The following WSB1 variants were observed in gnomAD, a reference collection of about 807,000 sequenced individuals.
WSB1 encodes the protein WD repeat and SOCS box containing 1, also known as WD repeat and SOCS box-containing protein 1.
Under a neutral mutation model 50.2 loss-of-function variants are expected in WSB1, and 23 were observed. The observed-to-expected ratio is 0.46, with a 90% confidence interval of 0.33 to 0.65. The LOEUF is 0.65. Among genes scored for constraint, WSB1 ranks in the 30% least tolerant of loss-of-function variants. The pLI is 0.02. For synonymous variants in WSB1, 179 were observed against 172.0 expected, an observed-to-expected ratio of 1.04 and a Z score of -0.32; for missense variants, 492 against 522.3, an observed-to-expected ratio of 0.94 and a Z score of 0.56.
Position 27,306,867 on chromosome 17 carries a change from C to T in WSB1, c.696C>T (p.Val232=), listed in dbSNP as rs778676703. The T allele has an allele frequency of 4.3e-6, 7 of 1,614,082 alleles. No individual in the cohort carries two copies. Among genetic ancestry groups the T allele is most frequent in the African/African-American group, 1.3e-5 (1 of 75,034 alleles). ...FSPDSSMLCS[V]GASKAVFLWN... ...CTGACTCTTCTATGCTGTGTTCAGT[C>T]GGAGCCAGTAAAGCAGTACGTGTCA... The change falls in exon 5 of 9, where the codon GTC becomes GTT. Residue 232 remains valine, a synonymous_variant. Coordinates refer to ENST00000262394, the MANE Select transcript of WSB1 (RefSeq NM_015626.10).
Position 27,303,437 on chromosome 17 carries a change from G to A in WSB1, c.280G>A (p.Gly94Ser). The change falls in exon 3 of 9, where the codon GGT becomes AGT. Residue 94 changes from glycine to serine, a missense_variant. Coordinates refer to ENST00000262394, the MANE Select transcript of WSB1 (RefSeq NM_015626.10). ...LRLPRQNSDG[G>S]QKNKPREHII... Reference sequence around the variant, plus strand: ...ATTGCCAAGACAAAATAGTGATGGTGGTCAGAAAAATAAGCCTCGTGAACA... The same window carrying A: ...ATTGCCAAGACAAAATAGTGATGGTAGTCAGAAAAATAAGCCTCGTGAACA... 6.2e-7 allele frequency: 1 copy of A among 1,614,026 alleles called. No homozygotes were observed. The highest frequency in any genetic ancestry group is 8.5e-7 in the Non-Finnish European group (1 of 1,179,992).
chr17:27,299,051 C>T (rs1460943141), intron 1 of WSB1, among the ~76,000 whole-genome samples: 4 of 151,930 alleles, frequency 2.6e-5, no homozygotes, highest in Non-Finnish European at 5.9e-5. Context: ...ATTAAGCAGG[C>T]AGGGGTTGCA....
intron 7 of WSB1, among the ~76,000 whole-genome samples, chr17:27,310,429 TAC>T (rs2017632392): frequency 7.4e-6 from 1 of 135,236 alleles, no homozygotes; most frequent in South Asian, 2.6e-4. Flanking sequence ...TAGCCCAGCT[TAC>T]AGAGATTTTT....
Position 27,304,774 on chromosome 17 carries a change from A to G in WSB1, c.479-6A>G. ...GTCTTTTTTTTCCCTTTTCTATCAT[A>G]TTTAGGAAAACTCCTCCTTAACTTG... On this transcript the variant is annotated splice_polypyrimidine_tract_variant and splice_region_variant and intron_variant, in intron 3 of 8. Transcript: ENST00000262394. 6.2e-7 allele frequency: 1 copy of G among 1,610,526 alleles called. No homozygotes were observed. Among genetic ancestry groups the G allele is most frequent in the Non-Finnish European group, 8.5e-7 (1 of 1,178,816 alleles).
rs764890411 is a variant in WSB1, at chr17:27,312,394, G to A, written c.*25G>A. The A allele has an allele frequency of 1.2e-6, 2 of 1,610,378 alleles. No individual in the cohort carries two copies. The highest frequency in any genetic ancestry group is 1.1e-5 in the South Asian group (1 of 90,388). On this transcript the variant is annotated 3_prime_UTR_variant, in exon 9 of 9. Transcript: ENST00000262394. ...GAAGATTCTGCCTTCCCTAGTAGTAGGGACTGACAGAATACACTTAACACA... is the reference window on the plus strand; with the variant it reads ...GAAGATTCTGCCTTCCCTAGTAGTAAGGACTGACAGAATACACTTAACACA...
At position 27,315,530 on chromosome 17, in the gene WSB1, A is replaced by G. The variant is rs1398697721; in HGVS notation, c.*3161A>G. The G allele has an allele frequency of 1.3e-5, 2 of 152,230 alleles. No homozygotes were observed. Among genetic ancestry groups the G allele is most frequent in the Non-Finnish European group, 2.9e-5 (2 of 68,044 alleles). 9.4% of individuals were successfully genotyped at this position (152,230 alleles called of 1,614,324 possible). ...ACCAAAAAAGGTTGGACTGCACTGT[A>G]GCATGCTTATGGGTTGAGGCAGTGG... is the stretch of plus-strand genomic sequence containing the variant. On this transcript the variant is annotated 3_prime_UTR_variant, in exon 9 of 9. Coordinates refer to ENST00000262394, the MANE Select transcript of WSB1 (RefSeq NM_015626.10).
chr17:27,300,164 T>TGGGGGTGGGTGTGTGTGGGGGGC (rs2017167261), intron 1 of WSB1, among the ~76,000 whole-genome samples: 1 of 53,006 alleles, frequency 1.9e-5, no homozygotes, highest in Admixed American at 1.9e-4. Flanking sequence ...AAGTACATTT[T>TGGGGGTGGGTGTGTGTGGGGGGC]GGGGGTGGGT....
rs1002129416 is a variant in WSB1, at chr17:27,308,452, T to C, written c.712-648T>C. 6.1e-6 allele frequency: 6 copies of C among 984,640 alleles called. No individual in the cohort carries two copies. In the African/African-American group the frequency reaches 7.0e-5, roughly 11 times the overall value. 61.0% of individuals were successfully genotyped at this position (984,640 alleles called of 1,614,324 possible). A position where few individuals can be genotyped will look rare whatever the true frequency, so the allele number is the denominator to read the frequency against. ...GGTTAGTTTGGGAAAAATAAGATGG[T>C]TAAATTTTGATTTATTGAAATGTAA... On this transcript the variant is annotated intron_variant, in intron 5 of 8. Coordinates refer to ENST00000262394, the MANE Select transcript of WSB1 (RefSeq NM_015626.10).
intron 1 of WSB1, among the ~76,000 whole-genome samples, chr17:27,295,164 G>A (rs916319796): frequency 2.0e-5 from 3 of 152,212 alleles, no homozygotes; most frequent in Non-Finnish European, 2.9e-5. Context: ...TGGAAAGCAC[G>A]TCGCATTATT....
At position 27,309,195 on chromosome 17, in the gene WSB1, A is replaced by C; in HGVS notation, c.807A>C (p.Ala269=). 6.2e-7 allele frequency: 1 copy of C among 1,613,530 alleles called. No homozygotes were observed. Among genetic ancestry groups the C allele is most frequent in the African/African-American group, 1.3e-5 (1 of 75,034 alleles). Residue 269 remains alanine (A), a synonymous_variant, in exon 6 of 9, where the codon GCA becomes GCC. Transcript: ENST00000262394. ...VVACDFSPDG[A]LLATASYDTR... Reference sequence around the variant, plus strand: ...CTTGTGACTTTTCTCCTGATGGAGCATTACTGGCTACTGCATCTTATGATA... The same window carrying C: ...CTTGTGACTTTTCTCCTGATGGAGCCTTACTGGCTACTGCATCTTATGATA...
chr17:27,307,803 A>G, intron 5 of WSB1: 3 of 1,531,094 alleles, frequency 2.0e-6, no homozygotes, highest in South Asian at 2.4e-5. Flanking sequence ...ACACAGGCGC[A>G]CAATGGTGTT....
intron 5 of WSB1, chr17:27,308,558 G>A (rs1391564116): frequency 2.3e-5 from 23 of 985,672 alleles, no homozygotes; most frequent in African/African-American, 3.5e-5. Context: ...AATTTCATTT[G>A]GCTGTGAATA....
At chr17:27,309,623 G>A (rs928008964) in intron 6 of WSB1, among the ~76,000 whole-genome samples, 22 of 150,056 alleles carry the variant, frequency 1.5e-4, no homozygotes, top group Non-Finnish European at 2.8e-4. Context: ...TTGCTCTGTC[G>A]CCAGGCTGGA....
In WSB1 at chr17:27,306,895, G is replaced by A; in HGVS notation, c.711+13G>A. On this transcript the variant is annotated intron_variant, in intron 5 of 8. Coordinates refer to ENST00000262394, the MANE Select transcript of WSB1 (RefSeq NM_015626.10). Reference sequence around the variant, plus strand: ...AGCCAGTAAAGCAGTACGTGTCAAAGTTCTTGTACATTCATTATGAATTGG... The same window carrying A: ...AGCCAGTAAAGCAGTACGTGTCAAAATTCTTGTACATTCATTATGAATTGG... 1.2e-6 allele frequency: 2 copies of A among 1,611,378 alleles called. No homozygotes were observed. The highest frequency in any genetic ancestry group is 1.7e-6 in the Non-Finnish European group (2 of 1,177,796).
chr17:27,304,803 G>C lies in WSB1; in HGVS notation c.502G>C (p.Asp168His), dbSNP rs2017380314. Residue 168 changes from aspartate (D) to histidine (H), a missense_variant, in exon 4 of 9, where the codon GAT becomes CAT. Coordinates refer to ENST00000262394, the MANE Select transcript of WSB1 (RefSeq NM_015626.10). ...AGGAAAACTCCTCCTTAACTTGGTA[G>C]ATCATACTGAAGTGGTCAGAGATTT... ...YTGKLLLNLV[D>H]HTEVVRDLTF... 4 of 1,613,762 alleles carry C rather than the reference G, an allele frequency of 2.5e-6. No homozygotes were observed. The highest frequency in any genetic ancestry group is 3.4e-6 in the Non-Finnish European group (4 of 1,179,826).
intron 6 of WSB1, 29 bp downstream of exon 6, chr17:27,309,301 A>G (rs370676212): frequency 4.7e-6 from 7 of 1,487,280 alleles, no homozygotes; most frequent in African/African-American, 1.4e-5. Context: ...ATTTTAGTCT[A>G]TAATTCATCT....
intron 1 of WSB1, among the ~76,000 whole-genome samples, chr17:27,300,829 A>G (rs2017197005): frequency 6.6e-6 from 1 of 151,870 alleles, no homozygotes; most frequent in South Asian, 2.1e-4. Flanking sequence ...AGCTGGGATT[A>G]CAGACACACT....
At position 27,315,323 on chromosome 17, in the gene WSB1, G is replaced by A. The variant is rs1233387089; in HGVS notation, c.*2954G>A. ...TTTTAGAATCCCATGGAGTACATGT[G>A]AACATAGGAAAATCACACTCAGCAG... On this transcript the variant is annotated 3_prime_UTR_variant, in exon 9 of 9. Transcript: ENST00000262394. 1 of 152,178 alleles carries A rather than the reference G, an allele frequency of 6.6e-6. No homozygotes were observed. Among genetic ancestry groups the A allele is most frequent in the African/African-American group, 2.4e-5 (1 of 41,446 alleles). 9.4% of individuals were successfully genotyped at this position (152,178 alleles called of 1,614,324 possible). A position where few individuals can be genotyped will look rare whatever the true frequency, so the allele number is the denominator to read the frequency against.
intron 1 of WSB1, among the ~76,000 whole-genome samples, chr17:27,301,223 G>T (rs1410297595): frequency 6.6e-6 from 1 of 152,246 alleles, no homozygotes; most frequent in East Asian, 1.9e-4. Flanking sequence ...TAGACAACCT[G>T]TAAGTCTCTT....
Sources: gnomAD v4.1 joint callset for allele counts (sites outside exome capture counted in the v4.1 genomes callset) on GRCh38, gnomAD v4.1.1 for gene constraint, MANE v1.5 for transcripts, NCBI Gene and HGNC (gene_info 2026-07-23, HGNC 2026-07-21) for gene names.